The following NCEH1 variants were observed in gnomAD, a reference collection of about 807,000 sequenced individuals.
NCEH1 encodes the protein 2-acetyl MAGE hydrolase.
A neutral mutation model predicts 25.4 loss-of-function variants in NCEH1; 9 were observed. That is an observed-to-expected ratio of 0.35 (90% confidence interval 0.21 to 0.62). NCEH1 has a LOEUF of 0.62. NCEH1 is among the 20% of genes least tolerant of loss of function. NCEH1 has a pLI of 0.72. For missense variants in NCEH1, 412 were observed against 501.1 expected (o/e 0.82, Z 1.70); for synonymous variants, 200 against 199.8 (o/e 1.00, Z -0.01).
chr3:172,667,769 C>T (rs77155365), intron 1 of NCEH1, among the ~76,000 whole-genome samples: 2 of 152,192 alleles, frequency 1.3e-5, no homozygotes, highest in African/African-American at 4.8e-5. Flanking sequence ...AGCACTGGAA[C>T]ACTTCCTTAA....
Position 172,710,989 on chromosome 3 carries a change from C to A in NCEH1, c.-5G>T, listed in dbSNP as rs549631045. 1.2e-6 allele frequency: 2 copies of A among 1,614,030 alleles called. No homozygotes were observed. Among genetic ancestry groups the A allele is most frequent in the Non-Finnish European group, 1.7e-6 (2 of 1,180,010 alleles). ...CAGGACACAGGACGACCTCATCTTG[C>A]CCTGGCTCGGCTCGCCAGCGGGCTG... is the stretch of plus-strand genomic sequence containing the variant. On this transcript the variant is annotated 5_prime_UTR_variant, in exon 1 of 5. Transcript: ENST00000475381.
intron 1 of NCEH1, chr3:172,680,844 C>T (rs2108520254): frequency 6.6e-6 from 1 of 152,290 alleles, no homozygotes; most frequent in Admixed American, 6.5e-5. Context: ...GTGCCCTAGG[C>T]TGCGCAAAGA....
chr3:172,671,608 T>C (rs1711629865), intron 1 of NCEH1, among the ~76,000 whole-genome samples: 1 of 151,938 alleles, frequency 6.6e-6, no homozygotes, highest in Admixed American at 6.6e-5. Flanking sequence ...TATTTACACA[T>C]GCACATATCA....
At chr3:172,653,753 T>G (rs7626535) in intron 1 of NCEH1, among the ~76,000 whole-genome samples, 5 of 85,992 alleles carry the variant, frequency 5.8e-5, no homozygotes, top group South Asian at 2.8e-4. Context: ...TGTTTTTTTG[T>G]TTTTTTGTTT....
At chr3:172,661,406 A>G (rs1195405965) in intron 1 of NCEH1, among the ~76,000 whole-genome samples, 1 of 152,148 alleles carries the variant, frequency 6.6e-6, no homozygotes, top group Non-Finnish European at 1.5e-5. Context: ...GTCAGGTAGC[A>G]TGATGCCTCC....
intron 1 of NCEH1, among the ~76,000 whole-genome samples, chr3:172,657,367 G>A (rs908129636): frequency 2.6e-5 from 4 of 151,990 alleles, no homozygotes; most frequent in African/African-American, 4.8e-5. Flanking sequence ...AGCAATTAAC[G>A]ACACAAATTC....
At chr3:172,686,988 GCAAA>G (rs1712734773) in intron 1 of NCEH1, among the ~76,000 whole-genome samples, 1 of 152,122 alleles carries the variant, frequency 6.6e-6, no homozygotes, top group Admixed American at 6.6e-5. Flanking sequence ...TGGAAGTTAC[GCAAA>G]CAGCTTGCTG....
chr3:172,649,394 T>C (rs368088499), intron 1 of NCEH1, among the ~76,000 whole-genome samples: 2 of 152,352 alleles, frequency 1.3e-5, no homozygotes, highest in African/African-American at 4.8e-5. Flanking sequence ...ATTCCTTTAA[T>C]ATTATTCGCT....
intron 1 of NCEH1, among the ~76,000 whole-genome samples, chr3:172,700,698 G>A (rs530823291): frequency 1.3e-5 from 2 of 152,144 alleles, no homozygotes; most frequent in Admixed American, 6.5e-5. Flanking sequence ...TTGTTGCCAA[G>A]GCTGGTCTTG....
chr3:172,648,184 CAACT>C (rs1188897794), intron 1 of NCEH1, 70 bp from the exon 2 acceptor site: 4 of 1,560,108 alleles, frequency 2.6e-6, no homozygotes, highest in Non-Finnish European at 3.5e-6. Flanking sequence ...CTGCCCTCAC[CAACT>C]GAGTGTCTGA....
intron 1 of NCEH1, among the ~76,000 whole-genome samples, chr3:172,669,866 T>C (rs1348470839): frequency 6.6e-6 from 1 of 152,192 alleles, no homozygotes; most frequent in Non-Finnish European, 1.5e-5. Flanking sequence ...TTGTGTAGCA[T>C]ACAGAATGGT....
chr3:172,680,652 C>T (rs1712302580), intron 1 of NCEH1: 1 of 115,644 alleles, frequency 8.6e-6, no homozygotes, highest in South Asian at 3.2e-4. Flanking sequence ...TTTGGGGCCA[C>T]CACTGGCGTC....
At chr3:172,707,207 G>C (rs1330317066) in intron 1 of NCEH1, among the ~76,000 whole-genome samples, 1 of 151,454 alleles carries the variant, frequency 6.6e-6, no homozygotes. Context: ...TTGGAAATCA[G>C]CCTTCAGGAC....
intron 1 of NCEH1, among the ~76,000 whole-genome samples, chr3:172,694,648 C>T (rs1284366777): frequency 6.6e-6 from 1 of 152,164 alleles, no homozygotes; most frequent in Non-Finnish European, 1.5e-5. Context: ...CTGGAGTGCA[C>T]TTGTGGGGCC....
intron 1 of NCEH1, among the ~76,000 whole-genome samples, chr3:172,676,911 G>A (rs1712041343): frequency 6.6e-6 from 1 of 151,736 alleles, no homozygotes; most frequent in South Asian, 2.1e-4. Flanking sequence ...TAACTAGATC[G>A]TGAGCTCCTT....
intron 1 of NCEH1, among the ~76,000 whole-genome samples, chr3:172,689,976 T>C (rs1712941885): frequency 6.6e-6 from 1 of 150,898 alleles, no homozygotes; most frequent in South Asian, 2.1e-4. Context: ...CGATCTCGGC[T>C]CACTGCAAAC....
chr3:172,701,619 T>G (rs1048268209), intron 1 of NCEH1, among the ~76,000 whole-genome samples: 6 of 63,882 alleles, frequency 9.4e-5, no homozygotes, highest in African/African-American at 1.9e-4. Flanking sequence ...CCAGCTAGTT[T>G]TTTTTTTTTT....
intron 2 of NCEH1, among the ~76,000 whole-genome samples, chr3:172,647,190 T>C (rs1338519957): frequency 6.6e-6 from 1 of 152,210 alleles, no homozygotes; most frequent in Non-Finnish European, 1.5e-5. Flanking sequence ...CCAAAAGCTC[T>C]GGACTGAAGA....
In NCEH1 at chr3:172,711,060, C is replaced by T. The variant is rs769728723; in HGVS notation, c.-76G>A. The T allele has an allele frequency of 2.5e-6, 4 of 1,608,634 alleles. No homozygotes were observed. The highest frequency in any genetic ancestry group is 1.7e-5 in the Admixed American group (1 of 59,896). On this transcript the variant is annotated 5_prime_UTR_variant, in exon 1 of 5. Transcript: ENST00000475381. ...CCACCCGGAGACCTCCGGCAACTTT[C>T]TGCCCGCGGCAGCTGCTCATTCACG...
Sources: allele counts gnomAD v4.1 joint callset (sites outside exome capture counted in the v4.1 genomes callset), GRCh38; gene constraint gnomAD v4.1.1; transcripts MANE v1.5; gene names NCBI Gene and HGNC (gene_info 2026-07-23, HGNC 2026-07-21).